ANKRD30B: variants seen among roughly 807,000 people sequenced by gnomAD.
The protein encoded by ANKRD30B is ankyrin repeat domain-containing protein 30B.
Under a neutral mutation model 202.2 loss-of-function variants are expected in ANKRD30B, and 144 were observed. That is an observed-to-expected ratio of 0.71 (90% confidence interval 0.62 to 0.82). The LOEUF (loss-of-function observed/expected upper bound fraction) is 0.82, where lower values mean the gene tolerates loss of function less well. Among genes scored for constraint, ANKRD30B ranks in the 40% least tolerant of loss-of-function variants. The pLI is 0.00. For synonymous variants in ANKRD30B, 508 were observed against 561.3 expected (o/e 0.91, Z 1.34); for missense variants, 1,487 against 1,669.1 (o/e 0.89, Z 1.90).
chr18:14,774,898 C>T (rs1029102455), intron 9 of ANKRD30B, among the ~76,000 whole-genome samples: 5 of 151,732 alleles, frequency 3.3e-5, no homozygotes, highest in African/African-American at 7.3e-5. Context: ...GAGTCCAAGG[C>T]CGGCAGATCA....
chr18:14,808,831 T>A (rs1661231498), intron 26 of ANKRD30B, 87 bp downstream of exon 26: 2 of 1,293,110 alleles, frequency 1.5e-6, no homozygotes. Flanking sequence ...CAATGTTGTT[T>A]TCTTTAGAAA....
the ANKRD30B span, chr18:14,877,989 C>T: frequency 3.9e-5 from 6 of 152,276 alleles, no homozygotes; most frequent in Admixed American, 2.6e-4. Context: ...ACCTGCATCG[C>T]CTTAGGCATT....
At position 14,748,497 on chromosome 18, in the gene ANKRD30B, C is replaced by T. The variant is rs1281266058; in HGVS notation, c.78C>T (p.Tyr26=). Residue 26 remains tyrosine, a synonymous_variant, in exon 1 of 44, where the codon TAC becomes TAT. Coordinates refer to ENST00000690538, the MANE Select transcript of ANKRD30B (RefSeq NM_001367607.2). ...EPPNPFSERV[Y]TEKDYGTIYF... is the part of the protein sequence containing the mutation. The stretch of plus-strand genomic sequence containing the variant: ...CGAACCCCTTCAGCGAACGGGTCTA[C>T]ACTGAGAAGGACTACGGGACCATCT... 49 of 1,551,380 alleles carry T rather than the reference C, an allele frequency of 3.2e-5. No individual in the cohort carries two copies. The highest frequency in any genetic ancestry group is 4.1e-5 in the Non-Finnish European group (47 of 1,146,926).
chr18:14,911,363 C>T, the ANKRD30B span, among the ~76,000 whole-genome samples: 1 of 152,104 alleles, frequency 6.6e-6, no homozygotes, highest in Non-Finnish European at 1.5e-5. Flanking sequence ...TTTACCAGAA[C>T]AATTGAGTGA....
At chr18:14,834,075 AT>A (rs1042667849) in intron 34 of ANKRD30B, among the ~76,000 whole-genome samples, 3 of 152,058 alleles carry the variant, frequency 2.0e-5, no homozygotes, top group Non-Finnish European at 4.4e-5. Flanking sequence ...ACGATTATTT[AT>A]TCTTAGCTTT....
chr18:14,901,501 TA>T, the ANKRD30B span, among the ~76,000 whole-genome samples: 1 of 152,206 alleles, frequency 6.6e-6, no homozygotes, highest in Non-Finnish European at 1.5e-5. Flanking sequence ...AACTTCTTTT[TA>T]TTTGAAATAT....
intron 15 of ANKRD30B, among the ~76,000 whole-genome samples, chr18:14,790,703 C>G (rs560599564): frequency 6.6e-6 from 1 of 151,992 alleles, no homozygotes; most frequent in East Asian, 1.9e-4. Context: ...TATTGATTTG[C>G]GTATATTGAA....
chr18:14,796,244 C>T lies in ANKRD30B; in HGVS notation c.1849C>T (p.Leu617=). 1 of 1,603,664 alleles carries T rather than the reference C, an allele frequency of 6.2e-7. No homozygotes were observed. The highest frequency in any genetic ancestry group is 8.5e-7 in the Non-Finnish European group (1 of 1,171,008). ...AGAGTCTCCTGTTAAAGATGGTCTTCTGAAGGTAATAACTTTTATATTGCT... is the reference window on the plus strand; with the variant it reads ...AGAGTCTCCTGTTAAAGATGGTCTTTTGAAGGTAATAACTTTTATATTGCT... ...LEESPVKDGL[L]KPTCGRKVSL... The change falls in exon 17 of 44, where the codon CTG becomes TTG. Residue 617 remains leucine (L), a synonymous_variant. Transcript: ENST00000690538.
the ANKRD30B span, among the ~76,000 whole-genome samples, chr18:14,868,223 C>T: frequency 9.8e-5 from 15 of 152,392 alleles, no homozygotes; most frequent in East Asian, 2.5e-3. Flanking sequence ...GCTTTGGGGC[C>T]TGGCCCAGCC....
At chr18:14,880,770 C>T in the ANKRD30B span, among the ~76,000 whole-genome samples, 98 of 152,152 alleles carry the variant, frequency 6.4e-4, no homozygotes, top group Middle Eastern at 3.4e-3. Flanking sequence ...GTAATTTTCA[C>T]TGTAGAGGTC....
the ANKRD30B span, among the ~76,000 whole-genome samples, chr18:14,885,455 CAT>C: frequency 6.6e-6 from 1 of 152,022 alleles, no homozygotes; most frequent in Non-Finnish European, 1.5e-5. Context: ...GCAAAAATCA[CAT>C]GAGTCTTAAG....
chr18:14,840,081 T>G (rs571976782), intron 36 of ANKRD30B, among the ~76,000 whole-genome samples: 1 of 152,342 alleles, frequency 6.6e-6, no homozygotes, highest in South Asian at 2.1e-4. Context: ...AAATAAAAGA[T>G]AAGCTTGATC....
chr18:14,921,358 A>G, the ANKRD30B span, among the ~76,000 whole-genome samples: 2 of 148,578 alleles, frequency 1.3e-5, no homozygotes, highest in African/African-American at 5.2e-5. Flanking sequence ...GTGTTTAGAT[A>G]TAATTGCCTG....
At chr18:14,794,331 G>A (rs991568384) in intron 16 of ANKRD30B, among the ~76,000 whole-genome samples, 43 of 151,480 alleles carry the variant, frequency 2.8e-4, no homozygotes, top group Non-Finnish European at 5.6e-4. Context: ...TAAACGGTTC[G>A]TTGATGATGA....
rs574383616 is a variant in ANKRD30B at position 14,752,705 on chromosome 18, C to A, written c.336+25C>A. The A allele has an allele frequency of 4.4e-6, 7 of 1,573,322 alleles. No homozygotes were observed. The Admixed American group carries it at 1.3e-4, about 29-fold the overall frequency. Reference sequence around the variant, plus strand: ...GGTAAATAGTAGCCAGTTTTTTCAGCGGGAGATGGATTTGGTTTAAATACA... The same window carrying A: ...GGTAAATAGTAGCCAGTTTTTTCAGAGGGAGATGGATTTGGTTTAAATACA... On this transcript the variant is annotated intron_variant, in intron 2 of 43. Transcript: ENST00000690538.
intron 34 of ANKRD30B, among the ~76,000 whole-genome samples, chr18:14,833,708 T>C (rs1971054002): frequency 6.6e-6 from 1 of 152,212 alleles, no homozygotes; most frequent in Non-Finnish European, 1.5e-5. Flanking sequence ...CAAATTGTAG[T>C]GTAAATACTG....
intron 26 of ANKRD30B, 123 bp downstream of exon 26, chr18:14,808,867 T>C: frequency 1.1e-6 from 1 of 891,212 alleles, no homozygotes; most frequent in East Asian, 2.7e-5. Flanking sequence ...TTGATACAAA[T>C]AATGCAAATG....
intron 33 of ANKRD30B, chr18:14,830,115 CTG>C (rs1970837697): frequency 6.5e-6 from 1 of 154,612 alleles, no homozygotes; most frequent in African/African-American, 2.4e-5. Flanking sequence ...TTTCAGTAAT[CTG>C]TGCTTAGATG....
At chr18:14,769,036 C>T (rs1209717230) in intron 7 of ANKRD30B, among the ~76,000 whole-genome samples, 1 of 152,164 alleles carries the variant, frequency 6.6e-6, no homozygotes, top group Non-Finnish European at 1.5e-5. Context: ...AAGGTATGGT[C>T]CCAAAGGAAA....
Sources: allele counts gnomAD v4.1 joint callset (sites outside exome capture counted in the v4.1 genomes callset), GRCh38; gene constraint gnomAD v4.1.1; transcripts MANE v1.5; gene names NCBI Gene and HGNC (gene_info 2026-07-23, HGNC 2026-07-21).